Variants in FHDC1 observed in about 807,000 individuals in gnomAD.
FHDC1 encodes FH2 domain-containing protein 1.
In FHDC1, 25 loss-of-function variants were observed where a neutral mutation model predicts 52.6. The ratio of observed to expected loss-of-function variants is 0.48; its 90% CI spans 0.35 to 0.66. The LOEUF (loss-of-function observed/expected upper bound fraction) is 0.66, where lower values mean the gene tolerates loss of function less well. FHDC1 is among the 30% of genes least tolerant of loss of function. FHDC1 has a pLI of 0.01. For missense variants in FHDC1, 1,459 were observed against 1,452.8 expected (o/e 1.00, Z -0.07); for synonymous variants, 616 against 581.5 (o/e 1.06, Z -0.85).
chr4:152,940,719 T>C (rs1739551801), intron 1 of FHDC1, among the ~76,000 whole-genome samples: 1 of 152,244 alleles, frequency 6.6e-6, no homozygotes, highest in Non-Finnish European at 1.5e-5. Context: ...ATATCTGGAA[T>C]TGGAGGTAAA....
chr4:152,916,027 AG>A, the FHDC1 span, among the ~76,000 whole-genome samples: 1 of 152,212 alleles, frequency 6.6e-6, no homozygotes, highest in Middle Eastern at 3.2e-3. Context: ...CAGAAGATAC[AG>A]GGGGTTAAGG....
chr4:152,959,049 T>G (rs1484284475), intron 4 of FHDC1, among the ~76,000 whole-genome samples: 2 of 152,244 alleles, frequency 1.3e-5, no homozygotes, highest in African/African-American at 4.8e-5. Flanking sequence ...ATTTTTGAAC[T>G]GTCATTTCCT....
chr4:152,947,175 C>T (rs1475929540), intron 2 of FHDC1, among the ~76,000 whole-genome samples: 13 of 148,860 alleles, frequency 8.7e-5, no homozygotes, highest in East Asian at 2.0e-4. Context: ...GTGGAGATCG[C>T]GCCACTGTAC....
At position 152,975,485 on chromosome 4, in the gene FHDC1, C is replaced by G; in HGVS notation, c.2194C>G (p.Leu732Val). The G allele has an allele frequency of 2.5e-6, 4 of 1,613,374 alleles. No homozygotes were observed. The highest frequency in any genetic ancestry group is 3.4e-6 in the Non-Finnish European group (4 of 1,179,982). Reference protein sequence around the residue: ...SSLTPMGRDALGSLSPALEDG... With the variant: ...SSLTPMGRDAVGSLSPALEDG... ...CCTGACACCCATGGGCAGAGATGCC[C>G]TGGGGAGTCTCAGCCCAGCGCTGGA... The change falls in exon 12 of 12, where the codon CTG becomes GTG. Residue 732 changes from leucine to valine, a missense_variant. Coordinates refer to ENST00000511601, the MANE Select transcript of FHDC1 (RefSeq NM_001371116.1).
upstream of FHDC1, among the ~76,000 whole-genome samples, chr4:152,935,846 T>TGTGTGTGC (rs138333040): frequency 6.6e-6 from 1 of 151,500 alleles, no homozygotes; most frequent in Non-Finnish European, 1.5e-5. Context: ...TGTGTGTGTG[T>TGTGTGTGC]GCGCGCGTGT....
At chr4:152,923,260 T>A in the FHDC1 span, among the ~76,000 whole-genome samples, 29 of 152,312 alleles carry the variant, frequency 1.9e-4, 1 homozygote, top group South Asian at 4.4e-3. Context: ...CATTCACAAT[T>A]ACTTCAAAGA....
At chr4:152,944,931 G>A (rs900216186) in intron 2 of FHDC1, among the ~76,000 whole-genome samples, 4 of 152,178 alleles carry the variant, frequency 2.6e-5, no homozygotes, top group African/African-American at 9.6e-5. Context: ...TTATTGTACA[G>A]TAGGTCATTT....
intron 8 of FHDC1, 90 bp from the exon 9 acceptor site, chr4:152,964,815 C>A: frequency 2.0e-6 from 2 of 1,001,810 alleles, no homozygotes; most frequent in Non-Finnish European, 3.0e-6. Flanking sequence ...AAAACAGGAG[C>A]AGTGATTTTA....
In FHDC1 at chr4:152,967,999, G is replaced by C; in HGVS notation, c.1120G>C (p.Glu374Gln). ...KTARLSLENT[E>Q]AELHLLFVRT... ...TTTTAGATTATCTCTGGAGAACACG[G>C]AGGCAGAACTGCACTTGCTGTTTGT... Residue 374 changes from glutamate (E) to glutamine (Q), a missense_variant, in exon 10 of 12, where the codon GAG becomes CAG. Physicochemically the swap from Glu to Gln is conservative, Grantham distance 29. Coordinates refer to ENST00000511601, the MANE Select transcript of FHDC1 (RefSeq NM_001371116.1). The C allele has an allele frequency of 6.2e-7, 1 of 1,613,510 alleles. No individual in the cohort carries two copies. Among genetic ancestry groups the C allele is most frequent in the Non-Finnish European group, 8.5e-7 (1 of 1,179,776 alleles).
In FHDC1 at chr4:152,975,558, CT is replaced by C. The variant is rs1740835272; in HGVS notation, c.2268del (p.Val757TrpfsTer25). On this transcript the variant is annotated frameshift_variant, in exon 12 of 12. Transcript: ENST00000511601. LOFTEE classifies it low-confidence loss of function (END_TRUNC). ...PDEPGSAALG[S>X]VGSSDPENKD... Reference sequence around the variant, plus strand: ...GAGCCTGGAAGTGCAGCTTTGGGATCTGTGGGTAGCAGCGACCCTGAGAACA... The same window carrying C: ...GAGCCTGGAAGTGCAGCTTTGGGATCGTGGGTAGCAGCGACCCTGAGAACA... 3 of 1,613,626 alleles carry C rather than the reference CT, an allele frequency of 1.9e-6. No individual in the cohort carries two copies.
Position 152,963,106 on chromosome 4 carries a change from G to T in FHDC1, c.1005G>T (p.Met335Ile), listed in dbSNP as rs1341746743. Residue 335 changes from methionine (M) to isoleucine (I), a missense_variant, in exon 8 of 12, where the codon ATG (methionine) becomes ATT (isoleucine). Around this residue, in one of 3 missense-constraint regions of FHDC1, gnomAD observed 513 missense variants for 581.5 expected, o/e 0.88. Coordinates refer to ENST00000511601, the MANE Select transcript of FHDC1 (RefSeq NM_001371116.1). The part of the protein sequence containing the change: ...LADTKANKPG[M>I]NLLHFVAQEA... Reference sequence around the variant, plus strand: ...ACACAAAAGCAAACAAACCTGGGATGAATCTCCTGCACTTTGTTGCACAGG... The same window carrying T: ...ACACAAAAGCAAACAAACCTGGGATTAATCTCCTGCACTTTGTTGCACAGG... The T allele has an allele frequency of 6.2e-7, 1 of 1,613,998 alleles. No individual in the cohort carries two copies. Among genetic ancestry groups the T allele is most frequent in the South Asian group, 1.1e-5 (1 of 91,076 alleles).
Position 152,953,697 on chromosome 4 carries a change from A to C in FHDC1, c.560+137A>C, listed in dbSNP as rs1739995358. 4.1e-5 allele frequency: 30 copies of C among 735,490 alleles called. No homozygotes were observed. In the South Asian group the frequency reaches 4.9e-4, roughly 12 times the overall value. 45.6% of individuals were successfully genotyped at this position (735,490 alleles called of 1,614,324 possible). A position where few individuals can be genotyped will look rare whatever the true frequency, so the allele number is the denominator to read the frequency against. On this transcript the variant is annotated intron_variant, in intron 3 of 11. Coordinates refer to ENST00000511601, the MANE Select transcript of FHDC1 (RefSeq NM_001371116.1). ...AGACGCATGGCTTGATGAGCCTGCA[A>C]GTGACTGTCACTTTCTGCTGTTTTT... is the stretch of plus-strand genomic sequence containing the variant.
intron 4 of FHDC1, among the ~76,000 whole-genome samples, chr4:152,958,668 T>C (rs750796914): frequency 1.3e-5 from 2 of 152,218 alleles, no homozygotes; most frequent in Non-Finnish European, 2.9e-5. Context: ...GCTACATATA[T>C]GGTCTTATAC....
At chr4:152,935,160 ATTGGT>A (rs905720177), upstream of FHDC1, among the ~76,000 whole-genome samples, 1 of 152,042 alleles carries the variant, frequency 6.6e-6, no homozygotes, top group African/African-American at 2.4e-5. Context: ...TTTGGGGTTG[ATTGGT>A]TTGTTTACAC....
rs1194792137 is a variant in FHDC1 at position 152,975,618 on chromosome 4, C to A, written c.2327C>A (p.Thr776Asn). The stretch of plus-strand genomic sequence containing the variant: ...AGACCTCTGTTCTGCATCTCGGACA[C>A]CACCGACTGCTCACTGACCCTGGAC... Reference protein sequence around the residue: ...DPRPLFCISDTTDCSLTLDCS... With the variant: ...DPRPLFCISDNTDCSLTLDCS... Residue 776 changes from threonine (T) to asparagine (N), a missense_variant, in exon 12 of 12, where the codon ACC becomes AAC. Transcript: ENST00000511601. 1 of 1,613,638 alleles carries A rather than the reference C, an allele frequency of 6.2e-7. No homozygotes were observed. Among genetic ancestry groups the A allele is most frequent in the Admixed American group, 1.7e-5 (1 of 60,034 alleles).
In FHDC1 at chr4:152,941,655, G is replaced by T. The variant is rs139656030; in HGVS notation, c.-130-1273G>T. The stretch of plus-strand genomic sequence containing the variant: ...AATCTCCACTCTTATTCCCAAGGCA[G>T]CCCTGCCTTTTGGATGTAGTTCTGT... On this transcript the variant is annotated intron_variant, in intron 1 of 11. Coordinates refer to ENST00000511601, the MANE Select transcript of FHDC1 (RefSeq NM_001371116.1). Among the ~76,000 whole-genome samples, 55 of 152,282 alleles carry T rather than the reference G, an allele frequency of 3.6e-4. 1 individual carries two copies. The highest frequency in any genetic ancestry group is 3.4e-3 in the Middle Eastern group (1 of 294).
At chr4:152,932,826 C>T (rs1385571152), upstream of FHDC1, among the ~76,000 whole-genome samples, 1 of 152,162 alleles carries the variant, frequency 6.6e-6, no homozygotes, top group Admixed American at 6.5e-5. Context: ...ATTTTGAAGG[C>T]TTTGTTTAGT....
At chr4:152,915,635 T>C in the FHDC1 span, among the ~76,000 whole-genome samples, 3 of 152,204 alleles carry the variant, frequency 2.0e-5, no homozygotes, top group South Asian at 6.2e-4. Context: ...ATAGCCGTTC[T>C]TCTGTAATGG....
the FHDC1 span, among the ~76,000 whole-genome samples, chr4:152,915,172 C>T: frequency 3.3e-5 from 5 of 152,178 alleles, no homozygotes; most frequent in Non-Finnish European, 5.9e-5. Flanking sequence ...ACATTCAGCT[C>T]TTAAGAAAAG....
Sources: gnomAD v4.1 joint callset for allele counts (sites outside exome capture counted in the v4.1 genomes callset) on GRCh38, gnomAD v4.1.1 for gene constraint, gnomAD v4.1.1 regional missense constraint, MANE v1.5 for transcripts, NCBI Gene and HGNC (gene_info 2026-07-23, HGNC 2026-07-21) for gene names.